The following RAD51B variants were observed in gnomAD, a reference collection of about 807,000 sequenced individuals.
The protein encoded by RAD51B is DNA repair protein RAD51 homolog 2.
RAD51B carries 38 observed loss-of-function variants against 42.2 expected under a neutral mutation model. The ratio of observed to expected loss-of-function variants is 0.90; its 90% CI spans 0.70 to 1.18. The LOEUF (loss-of-function observed/expected upper bound fraction) is 1.18, where lower values mean the gene tolerates loss of function less well. Among genes scored for constraint, RAD51B ranks in the 50% most tolerant of loss-of-function variants. RAD51B has a pLI of 0.00. For synonymous variants in RAD51B, 154 were observed against 145.2 expected, an observed-to-expected ratio of 1.06 and a Z score of -0.43; for missense variants, 373 against 400.7, an observed-to-expected ratio of 0.93 and a Z score of 0.59.
At position 67,996,816 on chromosome 14, in the gene RAD51B, A is replaced by G. The variant is rs189175167; in HGVS notation, c.756+109612A>G. ...GAGCAAGGGATGAATTAGACAAGCT[A>G]GGAGGTTGTTGGAATATTTCAATCA... On this transcript the variant is annotated intron_variant, in intron 7 of 10. Coordinates refer to ENST00000471583, the MANE Select transcript of RAD51B (RefSeq NM_133510.4). Among the ~76,000 whole-genome samples the G allele has an allele frequency of 9.5e-4, 145 of 152,290 alleles. 1 individual carries two copies. The highest frequency in any genetic ancestry group is 3.2e-3 in the African/African-American group (134 of 41,564).
intron 8 of RAD51B, among the ~76,000 whole-genome samples, chr14:68,385,373 C>T (rs988116140): frequency 5.9e-5 from 9 of 152,214 alleles, no homozygotes; most frequent in African/African-American, 2.2e-4. Flanking sequence ...CCCTAGCACT[C>T]TCTTCCCTTC....
rs372391347 is a variant in RAD51B at position 67,868,310 on chromosome 14, A to G, written c.452+3171A>G. On this transcript the variant is annotated intron_variant, in intron 5 of 10. Transcript: ENST00000471583. ...GTCAGGGAGTTCCCTTTCCGAGTCA[A>G]AGAAAGGGGTGACAGACGGCACCTG... is the stretch of plus-strand genomic sequence containing the variant. Among the ~76,000 whole-genome samples, 42 of 152,316 alleles carry G rather than the reference A, an allele frequency of 2.8e-4. No homozygotes were observed. In the East Asian group the frequency reaches 4.6e-3, roughly 17 times the overall value.
intron 9 of RAD51B, among the ~76,000 whole-genome samples, chr14:68,448,043 G>T (rs2085463404): frequency 6.6e-6 from 1 of 152,206 alleles, no homozygotes; most frequent in South Asian, 2.1e-4. Context: ...TCTGAATTGG[G>T]AGTGAGCAGG....
intron 8 of RAD51B, among the ~76,000 whole-genome samples, chr14:68,409,850 T>C (rs1464066077): frequency 2.0e-5 from 3 of 152,232 alleles, no homozygotes; most frequent in Admixed American, 1.3e-4. Flanking sequence ...TGTTTTCACA[T>C]TAATTTGTGC....
intron 7 of RAD51B, among the ~76,000 whole-genome samples, chr14:68,089,102 A>G (rs548192522): frequency 2.6e-5 from 4 of 152,020 alleles, no homozygotes; most frequent in African/African-American, 4.8e-5. Context: ...CCCCTTACCT[A>G]TATCCTCTCC....
At chr14:68,364,378 A>G (rs1566834956) in intron 8 of RAD51B, among the ~76,000 whole-genome samples, 1 of 152,160 alleles carries the variant, frequency 6.6e-6, no homozygotes. Flanking sequence ...ATATCTAGAA[A>G]GACGCTTTGC....
At chr14:67,955,240 A>G (rs1251060927) in intron 7 of RAD51B, among the ~76,000 whole-genome samples, 3 of 152,210 alleles carry the variant, frequency 2.0e-5, no homozygotes, top group Non-Finnish European at 4.4e-5. Flanking sequence ...ATTCAGAAAT[A>G]TGAAGAATTT....
intron 10 of RAD51B, among the ~76,000 whole-genome samples, chr14:68,499,885 A>G (rs1208983672): frequency 1.3e-5 from 2 of 152,106 alleles, no homozygotes; most frequent in Non-Finnish European, 2.9e-5. Context: ...TAGAGAATAC[A>G]TTTCTGTGGT....
At chr14:68,429,781 T>C (rs2084952394) in intron 9 of RAD51B, among the ~76,000 whole-genome samples, 1 of 152,270 alleles carries the variant, frequency 6.6e-6, no homozygotes, top group South Asian at 2.1e-4. Context: ...TTTTGGCTTT[T>C]GTGGCCCTTG....
intron 7 of RAD51B, among the ~76,000 whole-genome samples, chr14:67,940,023 CATATATATATATATATATATAT>C (rs764722617): frequency 4.1e-4 from 14 of 34,326 alleles, no homozygotes; most frequent in East Asian, 3.2e-3. Flanking sequence ...TTGATAGATG[CATATATATATATATATATATAT>C]ATATATATAT....
At chr14:68,184,092 C>CAAAA (rs148664784) in intron 7 of RAD51B, among the ~76,000 whole-genome samples, 8 of 113,264 alleles carry the variant, frequency 7.1e-5, no homozygotes, top group African/African-American at 2.8e-4. Flanking sequence ...GACTCCATCT[C>CAAAA]AAAAAAAAAA....
At chr14:68,292,029 C>T (rs2081527862) in intron 8 of RAD51B, 49 bp downstream of exon 8, 6 of 1,475,682 alleles carry the variant, frequency 4.1e-6, no homozygotes, top group Non-Finnish European at 5.7e-6. Flanking sequence ...GACATAGAGC[C>T]CCACTGCCTC....
At chr14:68,380,480 T>C (rs977833631) in intron 8 of RAD51B, among the ~76,000 whole-genome samples, 3 of 152,154 alleles carry the variant, frequency 2.0e-5, no homozygotes, top group South Asian at 2.1e-4. Flanking sequence ...TGCCAGGTAG[T>C]TTTCATCAGT....
At chr14:68,451,570 C>G (rs562899497) in intron 9 of RAD51B, among the ~76,000 whole-genome samples, 1 of 152,238 alleles carries the variant, frequency 6.6e-6, no homozygotes, top group Non-Finnish European at 1.5e-5. Flanking sequence ...CTCTGTTACA[C>G]TCTTCAACTC....
At chr14:68,632,736 C>T (rs768428487) in intron 10 of RAD51B, among the ~76,000 whole-genome samples, 3 of 152,124 alleles carry the variant, frequency 2.0e-5, no homozygotes, top group South Asian at 2.1e-4. Context: ...ACAAACCCAC[C>T]GTTGGCCCAC....
chr14:68,253,080 CAAA>C (rs750026666), intron 7 of RAD51B, among the ~76,000 whole-genome samples: 10 of 108,558 alleles, frequency 9.2e-5, no homozygotes, highest in African/African-American at 6.5e-5. Context: ...AGGACTCCGT[CAAA>C]AAAAAAAAAA....
At chr14:68,133,131 T>C (rs1273851052) in intron 7 of RAD51B, among the ~76,000 whole-genome samples, 1 of 152,208 alleles carries the variant, frequency 6.6e-6, no homozygotes, top group Non-Finnish European at 1.5e-5. Context: ...ATCAGAAATA[T>C]TAGAGAAATG....
chr14:68,519,683 G>A (rs897115006), intron 10 of RAD51B, among the ~76,000 whole-genome samples: 2 of 152,218 alleles, frequency 1.3e-5, no homozygotes, highest in Admixed American at 6.5e-5. Context: ...TATGTAGAAC[G>A]TGGAGAAAGT....
chr14:67,849,369 C>A (rs1380281229), intron 4 of RAD51B, among the ~76,000 whole-genome samples: 1 of 152,252 alleles, frequency 6.6e-6, no homozygotes, highest in South Asian at 2.1e-4. Context: ...GCAACCTTCA[C>A]CTCCCGGGTT....
Sources: allele counts gnomAD v4.1 joint callset (sites outside exome capture counted in the v4.1 genomes callset), GRCh38; gene constraint gnomAD v4.1.1; transcripts MANE v1.5; gene names NCBI Gene and HGNC (gene_info 2026-07-23, HGNC 2026-07-21).